The following ASCC3 variants were observed in gnomAD, a reference collection of about 807,000 sequenced individuals.
The protein encoded by ASCC3 is ASC-1 complex subunit P200.
Under a neutral mutation model 256.3 loss-of-function variants are expected in ASCC3, and 158 were observed. The ratio of observed to expected loss-of-function variants is 0.62; its 90% CI spans 0.54 to 0.70. The LOEUF is 0.70. Among genes scored for constraint, ASCC3 ranks in the 30% least tolerant of loss-of-function variants. The probability of loss-of-function intolerance (pLI) is 0.00; values close to 1 mark genes in which losing one functional copy is unlikely to be tolerated. For synonymous variants in ASCC3, 948 were observed against 883.4 expected (o/e 1.07, Z -1.30); for missense variants, 2,259 against 2,626.0 (o/e 0.86, Z 3.05).
In ASCC3 at chr6:100,875,077, G is replaced by A. The variant is rs538274174; in HGVS notation, c.-42+5984C>T. Reference sequence around the variant, plus strand: ...ACAGAAAAATTACTCAGATTTACATGTGGTGAACTGTCAAGGTGGGGTCAA... The same window carrying A: ...ACAGAAAAATTACTCAGATTTACATATGGTGAACTGTCAAGGTGGGGTCAA... On this transcript the variant is annotated intron_variant, in intron 1 of 41. Coordinates refer to ENST00000369162, the MANE Select transcript of ASCC3 (RefSeq NM_006828.4). Among the ~76,000 whole-genome samples, 10 of 152,246 alleles carry A rather than the reference G, an allele frequency of 6.6e-5. No homozygotes were observed. The East Asian group carries it at 1.7e-3, about 26-fold the overall frequency.
At chr6:100,868,246 GAAAC>G in intron 1 of ASCC3, among the ~76,000 whole-genome samples, 1 of 152,274 alleles carries the variant, frequency 6.6e-6, no homozygotes, top group East Asian at 1.9e-4. Flanking sequence ...AAAGGAAAAA[GAAAC>G]AAACATTTCC....
At chr6:100,568,053 G>GT (rs543838717) in intron 36 of ASCC3, among the ~76,000 whole-genome samples, 71 of 150,340 alleles carry the variant, frequency 4.7e-4, no homozygotes, top group Middle Eastern at 3.4e-3. Flanking sequence ...GACAACATCT[G>GT]TTTTTTTTTG....
intron 1 of ASCC3, among the ~76,000 whole-genome samples, chr6:100,878,421 C>T (rs944813126): frequency 2.6e-5 from 4 of 151,994 alleles, no homozygotes; most frequent in Admixed American, 2.0e-4. Flanking sequence ...GTTAATTTTA[C>T]TTTTAGCACA....
At chr6:100,520,181 C>T (rs566829624) in intron 37 of ASCC3, among the ~76,000 whole-genome samples, 3 of 152,052 alleles carry the variant, frequency 2.0e-5, no homozygotes, top group South Asian at 2.1e-4. Flanking sequence ...ACATTGTTAC[C>T]GAAGTGAATT....
chr6:100,509,712 C>T, intron 41 of ASCC3, among the ~76,000 whole-genome samples, 179 bp from the exon 42 acceptor site: 1 of 151,976 alleles, frequency 6.6e-6, no homozygotes, highest in African/African-American at 2.4e-5. Context: ...CACGGTGAAA[C>T]CCCGTCTCTA....
At chr6:100,707,596 A>G (rs1414587719) in intron 13 of ASCC3, among the ~76,000 whole-genome samples, 1 of 152,088 alleles carries the variant, frequency 6.6e-6, no homozygotes. Context: ...CATTTTATTA[A>G]AAGATAAAAA....
At chr6:100,644,508 C>G (rs1775284137) in intron 22 of ASCC3, among the ~76,000 whole-genome samples, 1 of 152,108 alleles carries the variant, frequency 6.6e-6, no homozygotes, top group Non-Finnish European at 1.5e-5. Flanking sequence ...TAGCATGCAT[C>G]AATGCTTTCA....
chr6:100,758,807 G>A (rs930132834), intron 10 of ASCC3, among the ~76,000 whole-genome samples: 1 of 152,122 alleles, frequency 6.6e-6, no homozygotes, highest in Non-Finnish European at 1.5e-5. Flanking sequence ...AGATCCTTGA[G>A]GAATCATCAT....
chr6:100,706,967 C>T (rs1460237391), intron 13 of ASCC3, among the ~76,000 whole-genome samples: 1 of 152,064 alleles, frequency 6.6e-6, no homozygotes, highest in Non-Finnish European at 1.5e-5. Context: ...AAGGCATTGG[C>T]CTAGGCATCT....
At chr6:100,641,717 A>G (rs1775126745) in intron 24 of ASCC3, among the ~76,000 whole-genome samples, 1 of 152,192 alleles carries the variant, frequency 6.6e-6, no homozygotes. Flanking sequence ...ATGCACATGT[A>G]TGTTTACTGC....
At chr6:100,739,340 G>T (rs1037622198) in intron 10 of ASCC3, among the ~76,000 whole-genome samples, 1 of 152,164 alleles carries the variant, frequency 6.6e-6, no homozygotes, top group Non-Finnish European at 1.5e-5. Context: ...GATTTGGTTT[G>T]CCAGTATTTT....
At chr6:100,864,890 T>A (rs1284686892) in intron 2 of ASCC3, among the ~76,000 whole-genome samples, 1 of 152,184 alleles carries the variant, frequency 6.6e-6, no homozygotes, top group Admixed American at 6.5e-5. Flanking sequence ...CTTTCCACTC[T>A]CAAGAACTGA....
intron 3 of ASCC3, chr6:100,858,206 G>GT: frequency 1.1e-5 from 5 of 443,166 alleles, no homozygotes; most frequent in Non-Finnish European, 1.5e-5. Context: ...TGTGCTTCTA[G>GT]TAAGTAGAAA....
intron 13 of ASCC3, among the ~76,000 whole-genome samples, chr6:100,709,627 A>G (rs1778775924): frequency 6.6e-6 from 1 of 152,166 alleles, no homozygotes; most frequent in Non-Finnish European, 1.5e-5. Flanking sequence ...CTCTCTTGCA[A>G]ACATTAAAAT....
intron 8 of ASCC3, among the ~76,000 whole-genome samples, chr6:100,768,592 G>T (rs1781774849): frequency 6.6e-6 from 1 of 152,086 alleles, no homozygotes; most frequent in Admixed American, 6.5e-5. Context: ...AGTAAAAACT[G>T]AAGACATGCA....
At position 100,589,962 on chromosome 6, in the gene ASCC3, T is replaced by C. The variant is rs771480185; in HGVS notation, c.5401A>G (p.Ile1801Val). 8.7e-6 allele frequency: 14 copies of C among 1,612,214 alleles called. No individual in the cohort carries two copies. In the African/African-American group the frequency reaches 1.7e-4, roughly 20 times the overall value. ...SLIELELSYC[I>V]EIGEDNRSIE... ...CTAAGTCATACCTCTCCAATTTCAA[T>C]ACAGTAGGAAAGTTCCAATTCAATC... Residue 1801 changes from isoleucine (I) to valine (V), a missense_variant, in exon 35 of 42, where the codon ATT becomes GTT. Physicochemically the swap from Ile to Val is conservative, Grantham distance 29. This residue lies in a region of ASCC3 where 1,839 missense variants were observed against 2,206.7 expected (regional missense o/e 0.83). Coordinates refer to ENST00000369162, the MANE Select transcript of ASCC3 (RefSeq NM_006828.4).
At chr6:100,726,675 C>T (rs1779642680) in intron 10 of ASCC3, among the ~76,000 whole-genome samples, 1 of 151,980 alleles carries the variant, frequency 6.6e-6, no homozygotes, top group Admixed American at 6.6e-5. Flanking sequence ...AATTTCAGCA[C>T]AGTAAGAAGT....
intron 25 of ASCC3, among the ~76,000 whole-genome samples, chr6:100,634,566 T>A (rs903716541): frequency 6.6e-6 from 1 of 151,964 alleles, no homozygotes. Flanking sequence ...ATTATTCAAT[T>A]AAAAATGGGC....
At chr6:100,771,103 A>C (rs1361764710) in intron 8 of ASCC3, among the ~76,000 whole-genome samples, 1 of 152,182 alleles carries the variant, frequency 6.6e-6, no homozygotes, top group Non-Finnish European at 1.5e-5. Context: ...AAGGAACTGA[A>C]TACAAAATCC....
Sources: gnomAD v4.1 joint callset for allele counts (sites outside exome capture counted in the v4.1 genomes callset) on GRCh38, gnomAD v4.1.1 for gene constraint, gnomAD v4.1.1 regional missense constraint, MANE v1.5 for transcripts, NCBI Gene and HGNC (gene_info 2026-07-23, HGNC 2026-07-21) for gene names.